PLEKHA7: variants seen among roughly 807,000 people sequenced by gnomAD.
PLEKHA7 encodes pleckstrin homology domain-containing family A member 7.
PLEKHA7 carries 104 observed loss-of-function variants against 170.0 expected under a neutral mutation model. That is an observed-to-expected ratio of 0.61 (90% confidence interval 0.52 to 0.72). The LOEUF is 0.72. PLEKHA7 is among the 30% of genes least tolerant of loss of function. The pLI is 0.00. For synonymous variants in PLEKHA7, 648 were observed against 660.8 expected, an observed-to-expected ratio of 0.98 and a Z score of 0.30; for missense variants, 1,615 against 1,671.7, an observed-to-expected ratio of 0.97 and a Z score of 0.59.
intron 3 of PLEKHA7, among the ~76,000 whole-genome samples, chr11:16,978,733 TG>T (rs1427300585): frequency 6.6e-6 from 1 of 152,206 alleles, no homozygotes; most frequent in East Asian, 1.9e-4. Context: ...CTTACTACCC[TG>T]GAAGGACGGA....
In PLEKHA7 at chr11:16,976,069, A is replaced by G. The variant is rs544396503; in HGVS notation, c.221+37920T>C. Among the ~76,000 whole-genome samples the G allele has an allele frequency of 1.3e-3, 198 of 152,292 alleles. 1 individual carries two copies. Among genetic ancestry groups the G allele is most frequent in the African/African-American group, 4.5e-3 (188 of 41,550 alleles). ...GGCTCAGCCCTTGCCAGGCATAGGT[A>G]CTCATCAATGGATCTGAGGCTGCAA... On this transcript the variant is annotated intron_variant, in intron 3 of 26. Coordinates refer to ENST00000531066, the MANE Select transcript of PLEKHA7 (RefSeq NM_001329630.2).
chr11:16,865,440 C>G (rs546417286), intron 4 of PLEKHA7, among the ~76,000 whole-genome samples: 61 of 152,262 alleles, frequency 4.0e-4, no homozygotes, highest in Non-Finnish European at 6.3e-4. Context: ...AATTAGCACT[C>G]TAGGCCAGGC....
chr11:16,954,777 G>A (rs1363298994), intron 3 of PLEKHA7, among the ~76,000 whole-genome samples: 1 of 150,384 alleles, frequency 6.6e-6, no homozygotes, highest in East Asian at 2.0e-4. Context: ...TGCAACCTCC[G>A]CCTCCCAGGT....
At chr11:16,957,811 C>A (rs1053894770) in intron 3 of PLEKHA7, among the ~76,000 whole-genome samples, 3 of 145,074 alleles carry the variant, frequency 2.1e-5, no homozygotes, top group Non-Finnish European at 4.5e-5. Context: ...TCAAGCAATT[C>A]TCCTGCCTTG....
At position 16,938,872 on chromosome 11, in the gene PLEKHA7, A is replaced by G. The variant is rs560849536; in HGVS notation, c.222-67690T>C. 6.6e-5 allele frequency among the ~76,000 whole-genome samples: 10 copies of G among 152,344 alleles called. No homozygotes were observed. In the South Asian group the frequency reaches 1.9e-3, roughly 28 times the overall value. On this transcript the variant is annotated intron_variant, in intron 3 of 26. Transcript: ENST00000531066. ...TGTAAATAATAATCAGACACAATTC[A>G]AGAAACCACAAACTGTGGCTCTTAC... is the stretch of plus-strand genomic sequence containing the variant.
At chr11:16,932,545 A>G (rs1375309400) in intron 3 of PLEKHA7, among the ~76,000 whole-genome samples, 1 of 152,172 alleles carries the variant, frequency 6.6e-6, no homozygotes, top group African/African-American at 2.4e-5. Flanking sequence ...TGGGCCTCCC[A>G]AAGTGTTGGG....
chr11:16,915,575 A>G (rs1858592856), intron 3 of PLEKHA7, among the ~76,000 whole-genome samples: 1 of 134,790 alleles, frequency 7.4e-6, no homozygotes. Flanking sequence ...ATGTGCTCTC[A>G]TTGTTCAATT....
chr11:16,877,534 G>A (rs907196942), intron 3 of PLEKHA7, among the ~76,000 whole-genome samples: 2 of 152,182 alleles, frequency 1.3e-5, no homozygotes, highest in African/African-American at 4.8e-5. Context: ...CATCATTAAT[G>A]TGGCATTTCT....
intron 6 of PLEKHA7, 52 bp from the exon 7 acceptor site, chr11:16,852,407 C>T: frequency 1.3e-6 from 2 of 1,533,208 alleles, no homozygotes; most frequent in Non-Finnish European, 1.8e-6. Context: ...ACTGTTGTCC[C>T]TTTCCAAGCA....
chr11:16,851,097 C>A, intron 8 of PLEKHA7, 94 bp downstream of exon 8: 1 of 908,490 alleles, frequency 1.1e-6, no homozygotes, highest in Non-Finnish European at 1.6e-6. Flanking sequence ...CTAGCTTCTT[C>A]CCCCTCCCGA....
chr11:16,970,848 A>G (rs11024093), intron 3 of PLEKHA7, among the ~76,000 whole-genome samples: 42,876 of 152,098 alleles, frequency 0.28, 7,264 homozygotes, highest in East Asian at 0.58. Flanking sequence ...CAGGAAGAAA[A>G]AAATGTTAAT....
chr11:16,797,232 A>G (rs1379869292), intron 17 of PLEKHA7, among the ~76,000 whole-genome samples: 2 of 152,164 alleles, frequency 1.3e-5, no homozygotes, highest in Non-Finnish European at 2.9e-5. Flanking sequence ...GGGCTGTTTA[A>G]ACATCAAATG....
chr11:16,998,928 C>T (rs1864505069), intron 3 of PLEKHA7, among the ~76,000 whole-genome samples: 2 of 150,786 alleles, frequency 1.3e-5, no homozygotes, highest in Admixed American at 6.6e-5. Flanking sequence ...ACTTATCCCC[C>T]TCCTCCCAGC....
intron 3 of PLEKHA7, among the ~76,000 whole-genome samples, chr11:16,969,259 C>A (rs2136695510): frequency 6.6e-6 from 1 of 152,206 alleles, no homozygotes; most frequent in South Asian, 2.1e-4. Flanking sequence ...AGAATTAGAG[C>A]TAAAAGATCT....
chr11:16,967,301 C>T (rs148227091), intron 3 of PLEKHA7, among the ~76,000 whole-genome samples: 1,990 of 152,292 alleles, frequency 0.013, 50 homozygotes, highest in African/African-American at 0.043. Flanking sequence ...TCTAGGATAG[C>T]GCAGAAACCA....
intron 15 of PLEKHA7, among the ~76,000 whole-genome samples, chr11:16,802,188 C>G (rs1268326059): frequency 6.6e-6 from 1 of 152,172 alleles, no homozygotes; most frequent in Admixed American, 6.5e-5. Context: ...TCCAGCATCA[C>G]GAATTTAAAA....
At chr11:16,836,666 T>G (rs1286229154) in intron 9 of PLEKHA7, among the ~76,000 whole-genome samples, 1 of 152,190 alleles carries the variant, frequency 6.6e-6, no homozygotes, top group East Asian at 1.9e-4. Flanking sequence ...AATAGAACAT[T>G]TAATAAGTCT....
chr11:16,954,409 C>G (rs898778673), intron 3 of PLEKHA7, among the ~76,000 whole-genome samples: 3 of 151,756 alleles, frequency 2.0e-5, no homozygotes. Flanking sequence ...TAGTGCACAC[C>G]TATAGTCTCA....
intron 9 of PLEKHA7, among the ~76,000 whole-genome samples, chr11:16,838,693 C>CTTTTTTTTTTT (rs869209891): frequency 9.3e-6 from 1 of 107,870 alleles, no homozygotes; most frequent in Admixed American, 1.2e-4. Context: ...ACACAGTTTT[C>CTTTTTTTTTTT]TTTTTTTTTT....
Sources: gnomAD v4.1 joint callset for allele counts (sites outside exome capture counted in the v4.1 genomes callset) on GRCh38, gnomAD v4.1.1 for gene constraint, MANE v1.5 for transcripts, NCBI Gene and HGNC (gene_info 2026-07-23, HGNC 2026-07-21) for gene names.